SLC4A5: variants seen among roughly 807,000 people sequenced by gnomAD.
SLC4A5 encodes electrogenic sodium bicarbonate cotransporter 4.
A neutral mutation model predicts 120.4 loss-of-function variants in SLC4A5; 96 were observed. That is an observed-to-expected ratio of 0.80 (90% CI 0.68 to 0.94). The LOEUF (loss-of-function observed/expected upper bound fraction) is 0.94. Ranked by LOEUF, SLC4A5 falls within the 40% of genes least tolerant of loss-of-function variation. The probability of loss-of-function intolerance (pLI) is 0.00; values close to 1 mark genes in which losing one functional copy is unlikely to be tolerated. For synonymous variants in SLC4A5, 550 were observed against 571.1 expected (o/e 0.96, Z 0.53); for missense variants, 1,259 against 1,459.5 (o/e 0.86, Z 2.24).
At chr2:74,219,874 A>G (rs1694568122) in intron 30 of SLC4A5, among the ~76,000 whole-genome samples, 1 of 152,208 alleles carries the variant, frequency 6.6e-6, no homozygotes, top group South Asian at 2.1e-4. Context: ...GACAGGTGAC[A>G]CTTTGGGCTA....
At position 74,224,846 on chromosome 2, in the gene SLC4A5, A is replaced by T. The variant is rs140560393; in HGVS notation, c.3240T>A (p.Asp1080Glu). The change falls in exon 28 of 31, where the codon GAT becomes GAA. Residue 1080 changes from aspartate (D) to glutamate (E), a missense_variant. Transcript: ENST00000394019. Reference sequence around the variant, plus strand: ...GGCCTCACATCTTCCCCACCTCCTCATCACAGTCCTCGTGGGCCCCTTTTT... The same window carrying T: ...GGCCTCACATCTTCCCCACCTCCTCTTCACAGTCCTCGTGGGCCCCTTTTT... 4 of 1,609,620 alleles carry T rather than the reference A, an allele frequency of 2.5e-6. No homozygotes were observed. In the African/African-American group the frequency reaches 4.0e-5, roughly 16 times the overall value.
intron 8 of SLC4A5, among the ~76,000 whole-genome samples, chr2:74,269,378 T>TTTTGTTTG (rs60475335): frequency 0.021 from 3,149 of 150,960 alleles, 47 homozygotes; most frequent in Non-Finnish European, 0.026. Flanking sequence ...GCTGTTTGTT[T>TTTTGTTTG]TTTGTTTGTT....
intron 30 of SLC4A5, among the ~76,000 whole-genome samples, chr2:74,220,369 G>A (rs555636309): frequency 1.3e-5 from 2 of 149,240 alleles, no homozygotes; most frequent in African/African-American, 2.6e-5. Flanking sequence ...CTCTGATGTT[G>A]GCTTTCCTCC....
chr2:74,231,008 T>G (rs1264344256), intron 25 of SLC4A5, among the ~76,000 whole-genome samples: 1 of 152,104 alleles, frequency 6.6e-6, no homozygotes, highest in African/African-American at 2.4e-5. Flanking sequence ...GGTTTCACCA[T>G]GTTGGTCAGG....
chr2:74,229,187 C>T (rs545889796), intron 25 of SLC4A5, among the ~76,000 whole-genome samples: 5 of 136,292 alleles, frequency 3.7e-5, no homozygotes, highest in Non-Finnish European at 7.7e-5. Flanking sequence ...CCTCCCACCT[C>T]GGCCTCCCAA....
At chr2:74,244,995 T>C (rs1265955862) in intron 19 of SLC4A5, among the ~76,000 whole-genome samples, 1 of 151,988 alleles carries the variant, frequency 6.6e-6, no homozygotes, top group East Asian at 1.9e-4. Context: ...GCACCCCGGG[T>C]TTGTTTTTTC....
intron 18 of SLC4A5, among the ~76,000 whole-genome samples, chr2:74,247,757 C>T (rs976604196): frequency 1.3e-5 from 2 of 152,130 alleles, no homozygotes; most frequent in East Asian, 1.9e-4. Context: ...TCAGGTGATC[C>T]GCCCGCCCCA....
At chr2:74,230,109 G>T (rs1273616071) in intron 25 of SLC4A5, among the ~76,000 whole-genome samples, 1 of 152,038 alleles carries the variant, frequency 6.6e-6, no homozygotes, top group African/African-American at 2.4e-5. Flanking sequence ...CAAAGTCCTG[G>T]GATTACAGGC....
intron 6 of SLC4A5, chr2:74,307,534 C>T: frequency 1.6e-6 from 1 of 623,610 alleles, no homozygotes. Flanking sequence ...AAGTCATTGG[C>T]AGCAAGATGG....
chr2:74,247,002 G>A (rs1333845462), intron 19 of SLC4A5, 34 bp downstream of exon 19: 23 of 1,606,994 alleles, frequency 1.4e-5, no homozygotes, highest in Non-Finnish European at 1.6e-5. Flanking sequence ...TGGGGTAGGT[G>A]AGGGCCCACG....
intron 30 of SLC4A5, 35 bp downstream of exon 30, chr2:74,221,399 C>T (rs1218326939): frequency 1.3e-6 from 2 of 1,500,950 alleles, no homozygotes; most frequent in Non-Finnish European, 1.9e-6. Flanking sequence ...TAGTCTCTTA[C>T]CTAATACGCA....
At chr2:74,331,908 G>A (rs1379317087) in intron 4 of SLC4A5, among the ~76,000 whole-genome samples, 1 of 152,084 alleles carries the variant, frequency 6.6e-6, no homozygotes, top group East Asian at 1.9e-4. Flanking sequence ...CTCCTTCTGG[G>A]AACAGCCTCC....
intron 3 of SLC4A5, among the ~76,000 whole-genome samples, chr2:74,334,774 C>A (rs1004549538): frequency 6.6e-6 from 1 of 151,680 alleles, no homozygotes; most frequent in Non-Finnish European, 1.5e-5. Context: ...AAAAAAAATG[C>A]GAATAATAAT....
At chr2:74,303,741 T>G (rs1166089560) in intron 7 of SLC4A5, among the ~76,000 whole-genome samples, 3 of 152,222 alleles carry the variant, frequency 2.0e-5, no homozygotes, top group East Asian at 1.9e-4. Context: ...TACACAATTC[T>G]GTACCAGGTC....
chr2:74,253,794 C>T (rs1670870311), intron 14 of SLC4A5, among the ~76,000 whole-genome samples: 1 of 152,158 alleles, frequency 6.6e-6, no homozygotes. Flanking sequence ...TTTGGAAACA[C>T]TGGATTCATC....
intron 22 of SLC4A5, among the ~76,000 whole-genome samples, chr2:74,234,777 C>T (rs1447688272): frequency 6.6e-6 from 1 of 152,166 alleles, no homozygotes; most frequent in East Asian, 1.9e-4. Context: ...TCCCATTTGG[C>T]CCAGCTTATA....
intron 8 of SLC4A5, among the ~76,000 whole-genome samples, chr2:74,275,872 A>G (rs986719265): frequency 1.3e-5 from 2 of 152,178 alleles, no homozygotes; most frequent in Non-Finnish European, 2.9e-5. Context: ...AGCCTGCCCA[A>G]GGTCATGCAG....
chr2:74,253,775 A>T (rs182501307), intron 14 of SLC4A5, among the ~76,000 whole-genome samples: 3 of 152,254 alleles, frequency 2.0e-5, no homozygotes, highest in African/African-American at 7.2e-5. Flanking sequence ...AATGATCAGA[A>T]TCATCTATTT....
At chr2:74,231,515 C>A (rs1414328477) in intron 24 of SLC4A5, among the ~76,000 whole-genome samples, 2 of 152,204 alleles carry the variant, frequency 1.3e-5, no homozygotes, top group South Asian at 4.1e-4. Flanking sequence ...GGGCATCTTG[C>A]AGGAGCATTG....
Sources: gnomAD v4.1 joint callset for allele counts (sites outside exome capture counted in the v4.1 genomes callset) on GRCh38, gnomAD v4.1.1 for gene constraint, MANE v1.5 for transcripts, NCBI Gene and HGNC (gene_info 2026-07-23, HGNC 2026-07-21) for gene names.